Variants in KIAA1217 observed in about 807,000 individuals in gnomAD.
The protein encoded by KIAA1217 is sickle tail protein homolog.
In KIAA1217, 88 loss-of-function variants were observed where a neutral mutation model predicts 163.9. The ratio of observed to expected loss-of-function variants is 0.54; its 90% CI spans 0.45 to 0.64. KIAA1217 has a LOEUF of 0.64. KIAA1217 is among the 30% of genes least tolerant of loss of function. KIAA1217 has a pLI of 0.00. For synonymous variants in KIAA1217, 903 were observed against 923.1 expected, an observed-to-expected ratio of 0.98 and a Z score of 0.39; for missense variants, 2,372 against 2,475.0, an observed-to-expected ratio of 0.96 and a Z score of 0.88.
intron 2 of KIAA1217, among the ~76,000 whole-genome samples, chr10:24,053,563 A>G (rs779354717): frequency 2.0e-5 from 3 of 152,074 alleles, no homozygotes; most frequent in Non-Finnish European, 4.4e-5. Flanking sequence ...TTAATATTTT[A>G]CCCTGTTGAT....
At chr10:24,161,730 C>T (rs1454850597) in intron 2 of KIAA1217, among the ~76,000 whole-genome samples, 1 of 152,212 alleles carries the variant, frequency 6.6e-6, no homozygotes, top group Non-Finnish European at 1.5e-5. Flanking sequence ...CAGGCACTGG[C>T]ATTATTTGGT....
chr10:23,747,790 G>A (rs1290649868), intron 1 of KIAA1217, among the ~76,000 whole-genome samples: 5 of 152,150 alleles, frequency 3.3e-5, no homozygotes, highest in African/African-American at 4.8e-5. Flanking sequence ...GCTGAGCTCC[G>A]GGGATTGTTT....
At chr10:24,264,297 T>C (rs2075994745) in intron 2 of KIAA1217, among the ~76,000 whole-genome samples, 1 of 152,090 alleles carries the variant, frequency 6.6e-6, no homozygotes, top group African/African-American at 2.4e-5. Context: ...CTTTTCCTGG[T>C]TTTGTTGTAT....
chr10:24,146,115 T>C (rs1022962723), intron 2 of KIAA1217, among the ~76,000 whole-genome samples: 2 of 152,160 alleles, frequency 1.3e-5, no homozygotes, highest in Non-Finnish European at 2.9e-5. Context: ...GTGTACCTGA[T>C]AAAAGGGAAA....
intron 1 of KIAA1217, among the ~76,000 whole-genome samples, chr10:24,003,467 A>G (rs894513991): frequency 4.6e-5 from 7 of 152,042 alleles, no homozygotes; most frequent in African/African-American, 1.7e-4. Flanking sequence ...TCTTTTGAGA[A>G]TTGTCTGTTC....
chr10:24,199,624 T>G (rs774834720), intron 2 of KIAA1217, among the ~76,000 whole-genome samples: 43 of 152,264 alleles, frequency 2.8e-4, no homozygotes, highest in African/African-American at 1.0e-3. Context: ...GACTGTTTTA[T>G]GTGCAACCAA....
At chr10:23,789,967 A>G (rs1321720857) in intron 1 of KIAA1217, among the ~76,000 whole-genome samples, 4 of 126,286 alleles carry the variant, frequency 3.2e-5, no homozygotes, top group African/African-American at 6.7e-5. Flanking sequence ...ATACACATAT[A>G]CATATACATA....
At chr10:24,532,085 G>C in intron 15 of KIAA1217, 92 bp downstream of exon 15, 1 of 1,204,866 alleles carries the variant, frequency 8.3e-7, no homozygotes. Context: ...AAAGTAGTGA[G>C]GCAGAGAAGT....
At chr10:23,786,416 GACA>G (rs1056856745) in intron 1 of KIAA1217, among the ~76,000 whole-genome samples, 27 of 151,812 alleles carry the variant, frequency 1.8e-4, no homozygotes, top group African/African-American at 6.5e-4. Flanking sequence ...ATGCCTCTAT[GACA>G]ACAAATTCTG....
At chr10:24,205,231 C>A (rs1464249446), upstream of KIAA1217, among the ~76,000 whole-genome samples, 1 of 140,258 alleles carries the variant, frequency 7.1e-6, no homozygotes, top group Middle Eastern at 4.2e-3. Context: ...CCAAGGTGGG[C>A]GAATTACCTG....
intron 2 of KIAA1217, among the ~76,000 whole-genome samples, chr10:24,131,574 T>G (rs2063653833): frequency 6.6e-6 from 1 of 152,202 alleles, no homozygotes; most frequent in African/African-American, 2.4e-5. Flanking sequence ...TAGCGTCCCA[T>G]AATTATGCCC....
At chr10:24,217,375 T>A (rs1030719313) in intron 1 of KIAA1217, among the ~76,000 whole-genome samples, 40 of 152,204 alleles carry the variant, frequency 2.6e-4, no homozygotes, top group African/African-American at 9.6e-4. Context: ...CTGCTGAAAC[T>A]AATGAAAAGT....
At position 24,270,416 on chromosome 10, in the gene KIAA1217, T is replaced by C. The variant is rs138394999; in HGVS notation, c.354+50507T>C. Among the ~76,000 whole-genome samples, 619 of 152,332 alleles carry C rather than the reference T, an allele frequency of 4.1e-3. 6 individuals carry two copies. Among genetic ancestry groups the C allele is most frequent in the African/African-American group, 0.014 (591 of 41,578 alleles). ...CATCCCTCCATCATCATCAAAGCAA[T>C]TTATTTGCACAAACTCCACTGTCAC... On this transcript the variant is annotated intron_variant, in intron 2 of 20. Coordinates refer to ENST00000376454, the MANE Select transcript of KIAA1217 (RefSeq NM_019590.5).
At chr10:24,311,894 T>C (rs1044173306) in intron 2 of KIAA1217, among the ~76,000 whole-genome samples, 4 of 152,150 alleles carry the variant, frequency 2.6e-5, no homozygotes, top group Non-Finnish European at 4.4e-5. Flanking sequence ...TCAGCAGAAC[T>C]GAGAGGGCAA....
chr10:24,300,969 C>T lies in KIAA1217; in HGVS notation c.355-79900C>T, dbSNP rs576375806. 7.2e-5 allele frequency among the ~76,000 whole-genome samples: 11 copies of T among 152,176 alleles called. No individual in the cohort carries two copies. The East Asian group carries it at 7.7e-4, about 11-fold the overall frequency. On this transcript the variant is annotated intron_variant, in intron 2 of 20. Transcript: ENST00000376454. ...CTGGGATTACAGGCACCAGCCACCA[C>T]GCCCGGCTGATTTTTGTATTTTTAG...
At chr10:23,959,606 G>A (rs1054342117) in intron 1 of KIAA1217, among the ~76,000 whole-genome samples, 1 of 152,082 alleles carries the variant, frequency 6.6e-6, no homozygotes, top group Admixed American at 6.6e-5. Flanking sequence ...CATGACATAG[G>A]AGCCTTCCAA....
At chr10:24,027,897 T>C (rs1461951586) in intron 2 of KIAA1217, among the ~76,000 whole-genome samples, 2 of 152,102 alleles carry the variant, frequency 1.3e-5, no homozygotes, top group Non-Finnish European at 2.9e-5. Flanking sequence ...TCTGGGTGAA[T>C]AGATTGCCTG....
At chr10:24,138,809 T>A (rs1236642038) in intron 2 of KIAA1217, among the ~76,000 whole-genome samples, 1 of 152,214 alleles carries the variant, frequency 6.6e-6, no homozygotes, top group Non-Finnish European at 1.5e-5. Flanking sequence ...AAAATGTTTT[T>A]TGTTTTGCTT....
At chr10:24,336,117 C>G (rs1002174786) in intron 2 of KIAA1217, among the ~76,000 whole-genome samples, 8 of 152,148 alleles carry the variant, frequency 5.3e-5, no homozygotes, top group African/African-American at 1.9e-4. Flanking sequence ...TGGCAGGTGC[C>G]TGTAATCCCA....
Sources: allele counts gnomAD v4.1 joint callset (sites outside exome capture counted in the v4.1 genomes callset), GRCh38; gene constraint gnomAD v4.1.1; transcripts MANE v1.5; gene names NCBI Gene and HGNC (gene_info 2026-07-23, HGNC 2026-07-21).